The following CCDC137 variants were observed in gnomAD, a reference collection of about 807,000 sequenced individuals.
CCDC137 encodes coiled-coil domain-containing protein 137.
Under a neutral mutation model 30.4 loss-of-function variants are expected in CCDC137, and 24 were observed. That is an observed-to-expected ratio of 0.79 (90% CI 0.57 to 1.11). The LOEUF is 1.11. Among genes scored for constraint, CCDC137 ranks in the 50% least tolerant of loss-of-function variants. The pLI is 0.00. For synonymous variants in CCDC137, 182 were observed against 155.7 expected (o/e 1.17, Z -1.26); for missense variants, 417 against 380.4 (o/e 1.10, Z -0.80).
At chr17:81,669,653 G>A (rs1315456638) in intron 2 of CCDC137, among the ~76,000 whole-genome samples, 5 of 151,692 alleles carry the variant, frequency 3.3e-5, no homozygotes, top group African/African-American at 7.3e-5. Flanking sequence ...TCCGCCTCCC[G>A]GGTTCACGCC....
rs765438596 is a variant in CCDC137 at position 81,671,749 on chromosome 17, A to C, written c.503A>C (p.Gln168Pro). The change falls in exon 4 of 6, where the codon CAG becomes CCG. Residue 168 changes from glutamine to proline, a missense_variant. Coordinates refer to ENST00000329214, the MANE Select transcript of CCDC137 (RefSeq NM_199287.3). ...SEQKKAKKAF[Q>P]KRRLDKVRRK... Reference sequence around the variant, plus strand: ...ACATGTGCTTTCTTCCCCAGGTTCCAGAAGCGGCGACTAGATAAAGTCCGA... The same window carrying C: ...ACATGTGCTTTCTTCCCCAGGTTCCCGAAGCGGCGACTAGATAAAGTCCGA... 3 of 1,612,304 alleles carry C rather than the reference A, an allele frequency of 1.9e-6. No individual in the cohort carries two copies. Among genetic ancestry groups the C allele is most frequent in the Non-Finnish European group, 2.5e-6 (3 of 1,179,716 alleles).
rs1598734788 is a variant in CCDC137, at chr17:81,672,481, C to T, written c.661-14C>T. The T allele has an allele frequency of 1.3e-6, 2 of 1,550,156 alleles. No individual in the cohort carries two copies. The highest frequency in any genetic ancestry group is 1.7e-6 in the Non-Finnish European group (2 of 1,147,146). ...TTTCCCAGCCTGTGCCTCACCCTCC[C>T]CTCTCTCCCTCAGCCTGGCAGGAGA... On this transcript the variant is annotated splice_polypyrimidine_tract_variant and intron_variant, in intron 5 of 5. Transcript: ENST00000329214.
At chr17:81,671,473 C>T in intron 3 of CCDC137, 1 of 489,256 alleles carries the variant, frequency 2.0e-6, no homozygotes, top group East Asian at 3.7e-5. Context: ...GCCCACGTGT[C>T]TGCACACATT....
rs2036711476 is a variant in CCDC137 at position 81,670,777 on chromosome 17, G to T, written c.497+324G>T. 3.9e-5 allele frequency among the ~76,000 whole-genome samples: 6 copies of T among 152,328 alleles called. No individual in the cohort carries two copies. The South Asian group carries it at 1.2e-3, about 32-fold the overall frequency. On this transcript the variant is annotated intron_variant, in intron 3 of 5. Coordinates refer to ENST00000329214, the MANE Select transcript of CCDC137 (RefSeq NM_199287.3). The stretch of plus-strand genomic sequence containing the variant: ...CGGTCTGAGGGTGACGTGCCCAGGG[G>T]TTCTGTTTCCATTAGAACAGAATGT...
intron 2 of CCDC137, among the ~76,000 whole-genome samples, chr17:81,669,437 G>A (rs1438082152): frequency 6.6e-6 from 1 of 152,162 alleles, no homozygotes; most frequent in Admixed American, 6.5e-5. Context: ...GAACCACCAT[G>A]CCTGGCAATA....
rs928796913 is a variant in CCDC137, at chr17:81,666,742, C to T, written c.-25C>T. On this transcript the variant is annotated 5_prime_UTR_variant, in exon 1 of 6. Coordinates refer to ENST00000329214, the MANE Select transcript of CCDC137 (RefSeq NM_199287.3). ...CCATGCAGGAAGGCGGAAGTGGCTT[C>T]GCTAGGGAGCCTCCCGGCGTGGAGA... 1.4e-6 allele frequency: 2 copies of T among 1,446,932 alleles called. No individual in the cohort carries two copies. Among genetic ancestry groups the T allele is most frequent in the African/African-American group, 1.5e-5 (1 of 67,540 alleles). The allele number at this position is 1,446,932 out of a possible 1,614,324, so 89.6% of individuals were successfully genotyped here.
chr17:81,667,013 G>T (rs1290752379), intron 1 of CCDC137, 113 bp downstream of exon 1: 2 of 1,124,258 alleles, frequency 1.8e-6, no homozygotes, highest in Non-Finnish European at 2.2e-6. Context: ...CCCAGGTCGG[G>T]CTCAGTGCCC....
At chr17:81,672,042 G>A (rs2036725039) in intron 4 of CCDC137, 34 bp from the exon 5 acceptor site, 1 of 1,610,670 alleles carries the variant, frequency 6.2e-7, no homozygotes, top group Admixed American at 1.7e-5. Flanking sequence ...AGTGGCTGTG[G>A]GCAGCAGTCC....
chr17:81,667,672 C>G, intron 1 of CCDC137, 57 bp from the exon 2 acceptor site: 1 of 1,598,030 alleles, frequency 6.3e-7, no homozygotes, highest in Non-Finnish European at 8.5e-7. Context: ...GTTTCTCTTA[C>G]TGATTCTGCT....
At chr17:81,672,469 G>A in intron 5 of CCDC137, 26 bp from the exon 6 acceptor site, 1 of 1,544,690 alleles carries the variant, frequency 6.5e-7, no homozygotes, top group African/African-American at 1.4e-5. Flanking sequence ...CCCAGCCTGT[G>A]CCTCACCCTC....
At position 81,672,936 on chromosome 17, in the gene CCDC137, C is replaced by T. The variant is rs2036739447; in HGVS notation, c.*232C>T. On this transcript the variant is annotated 3_prime_UTR_variant, in exon 6 of 6. Coordinates refer to ENST00000329214, the MANE Select transcript of CCDC137 (RefSeq NM_199287.3). ...TGGGGCCCGGTGTCACTCACAGCTC[C>T]ATCTCTTTGTTTTGAACGTCCATTC... 4 of 560,034 alleles carry T rather than the reference C, an allele frequency of 7.1e-6. No homozygotes were observed. Among genetic ancestry groups the T allele is most frequent in the Non-Finnish European group, 1.3e-5 (4 of 317,232 alleles). 34.7% of individuals were successfully genotyped at this position (560,034 alleles called of 1,614,324 possible). A position where few individuals can be genotyped will look rare whatever the true frequency, so the allele number is the denominator to read the frequency against.
At chr17:81,672,267 G>A in intron 5 of CCDC137, 112 bp downstream of exon 5, 1 of 1,124,732 alleles carries the variant, frequency 8.9e-7, no homozygotes, top group Non-Finnish European at 1.3e-6. Flanking sequence ...CACATTGGGA[G>A]GCCAAGGCAG....
chr17:81,672,235 TG>T, intron 5 of CCDC137, 80 bp downstream of exon 5: 1 of 1,423,910 alleles, frequency 7.0e-7, no homozygotes, highest in Non-Finnish European at 9.8e-7. Flanking sequence ...CTGGACACGG[TG>T]GGTCACACCT....
In CCDC137 at chr17:81,667,830, A is replaced by C. The variant is rs2036661402; in HGVS notation, c.236A>C (p.Asn79Thr). Reference sequence around the variant, plus strand: ...ATGAGGAGCCGCCAAGAGATGAAAAACCCGATCAGTAACAAGAAGAGGAAG... The same window carrying C: ...ATGAGGAGCCGCCAAGAGATGAAAACCCCGATCAGTAACAAGAAGAGGAAG... The part of the protein sequence containing the change: ...EIMRSRQEMK[N>T]PISNKKRKKA... Residue 79 changes from asparagine to threonine, a missense_variant, in exon 2 of 6, where the codon AAC becomes ACC. Asn to Thr is a moderately conservative substitution (Grantham distance 65). Transcript: ENST00000329214. 1.2e-6 allele frequency: 2 copies of C among 1,611,826 alleles called. No homozygotes were observed. Among genetic ancestry groups the C allele is most frequent in the Non-Finnish European group, 8.5e-7 (1 of 1,179,970 alleles).
In CCDC137 at chr17:81,666,741, T is replaced by C. The variant is rs1441238021; in HGVS notation, c.-26T>C. Reference sequence around the variant, plus strand: ...ACCATGCAGGAAGGCGGAAGTGGCTTCGCTAGGGAGCCTCCCGGCGTGGAG... The same window carrying C: ...ACCATGCAGGAAGGCGGAAGTGGCTCCGCTAGGGAGCCTCCCGGCGTGGAG... On this transcript the variant is annotated 5_prime_UTR_variant, in exon 1 of 6. Coordinates refer to ENST00000329214, the MANE Select transcript of CCDC137 (RefSeq NM_199287.3). 6.9e-7 allele frequency: 1 copy of C among 1,447,762 alleles called. No individual in the cohort carries two copies. The highest frequency in any genetic ancestry group is 9.0e-7 in the Non-Finnish European group (1 of 1,105,044). The allele number at this position is 1,447,762 out of a possible 1,614,324, so 89.7% of individuals were successfully genotyped here.
chr17:81,670,436 G>C lies in CCDC137; in HGVS notation c.480G>C (p.Gln160His), dbSNP rs957815363. 7 of 1,611,170 alleles carry C rather than the reference G, an allele frequency of 4.3e-6. No homozygotes were observed. Among genetic ancestry groups the C allele is most frequent in the African/African-American group, 2.7e-5 (2 of 74,668 alleles). The change falls in exon 3 of 6, where the codon CAG becomes CAC. Residue 160 changes from glutamine (Q) to histidine (H), a missense_variant. Gln to His is a conservative substitution (Grantham distance 24). Transcript: ENST00000329214. ...VQAAPKEKSEQKKAKKAFQKR... is the reference protein window; with the variant it reads ...VQAAPKEKSEHKKAKKAFQKR... ...CAGCTCCCAAGGAGAAGTCTGAGCA[G>C]AAAAAAGCAAAAAAAGCGTGAGTGG...
rs2036700090 is a variant in CCDC137, at chr17:81,670,200, C to G, written c.269-25C>G. 5.0e-6 allele frequency: 8 copies of G among 1,589,934 alleles called. No homozygotes were observed. In the East Asian group the frequency reaches 1.8e-4, roughly 36 times the overall value. On this transcript the variant is annotated intron_variant, in intron 2 of 5. Coordinates refer to ENST00000329214, the MANE Select transcript of CCDC137 (RefSeq NM_199287.3). ...CCTGCCACTGTCTGCCTCCTGCCTC[C>G]TCTGAGGCCTCCCTTTGTCCTCAGC...
At chr17:81,668,232 G>C (rs746644410) in intron 2 of CCDC137, among the ~76,000 whole-genome samples, 21 of 152,214 alleles carry the variant, frequency 1.4e-4, no homozygotes, top group Non-Finnish European at 2.2e-4. Context: ...GAGTGAGGGA[G>C]AGTGGACCTG....
intron 2 of CCDC137, among the ~76,000 whole-genome samples, chr17:81,668,700 G>A (rs1288592806): frequency 1.3e-5 from 2 of 150,220 alleles, no homozygotes; most frequent in African/African-American, 2.5e-5. Context: ...TTGTTTGTTT[G>A]TTTATTTATT....
Sources: gnomAD v4.1 joint callset for allele counts (sites outside exome capture counted in the v4.1 genomes callset) on GRCh38, gnomAD v4.1.1 for gene constraint, MANE v1.5 for transcripts, NCBI Gene and HGNC (gene_info 2026-07-23, HGNC 2026-07-21) for gene names.